ANKRD30A: variants seen among roughly 807,000 people sequenced by gnomAD.
The protein encoded by ANKRD30A is ankyrin repeat domain 30A, also known as ankyrin repeat domain-containing protein 30A.
A neutral mutation model predicts 166.3 loss-of-function variants in ANKRD30A; 170 were observed. That is an observed-to-expected ratio of 1.02 (90% CI 0.90 to 1.16). The LOEUF is 1.16. Among genes scored for constraint, ANKRD30A ranks in the 50% most tolerant of loss-of-function variants. The probability of loss-of-function intolerance (pLI) is 0.00; values close to 1 mark genes in which losing one functional copy is unlikely to be tolerated. For missense variants in ANKRD30A, 1,630 were observed against 1,518.0 expected (o/e 1.07, Z -1.23); for synonymous variants, 564 against 508.9 (o/e 1.11, Z -1.46).
rs1841610092 is a variant in ANKRD30A at position 37,201,333 on chromosome 10, C to CCA, written c.2869+9_2869+10dup. 4 of 1,555,548 alleles carry CCA rather than the reference C, an allele frequency of 2.6e-6. No homozygotes were observed. Among genetic ancestry groups the CCA allele is most frequent in the Middle Eastern group, 1.7e-4 (1 of 5,842 alleles). The stretch of plus-strand genomic sequence containing the variant: ...TAAGTGGAAAATTAGAAGGTAAGAA[C>CCA]CATCTTTTATTTAAAAGGTCATTTG... On this transcript the variant is annotated intron_variant, in intron 31 of 35. Coordinates refer to ENST00000361713, the MANE Select transcript of ANKRD30A (RefSeq NM_052997.3).
chr10:37,198,436 A>T (rs1042327331), intron 29 of ANKRD30A, among the ~76,000 whole-genome samples: 1 of 152,166 alleles, frequency 6.6e-6, no homozygotes, highest in South Asian at 2.1e-4. Context: ...TAAGTAATAA[A>T]TAAAAATGAA....
the ANKRD30A span, among the ~76,000 whole-genome samples, chr10:37,238,738 G>GT: frequency 2.0e-5 from 3 of 152,096 alleles, no homozygotes; most frequent in South Asian, 6.2e-4. Flanking sequence ...TACCTTAGTA[G>GT]TTTTTTAGTT....
chr10:37,163,152 A>G (rs1319055573), intron 17 of ANKRD30A, among the ~76,000 whole-genome samples: 1 of 147,698 alleles, frequency 6.8e-6, no homozygotes, highest in African/African-American at 2.5e-5. Flanking sequence ...TGAAACTCCA[A>G]TTTCTTTTTT....
intron 31 of ANKRD30A, among the ~76,000 whole-genome samples, chr10:37,202,336 C>T (rs1841680904): frequency 6.6e-6 from 1 of 152,128 alleles, no homozygotes; most frequent in Non-Finnish European, 1.5e-5. Context: ...AAGAACCTCA[C>T]TCAAAACCAC....
At chr10:37,213,352 A>G (rs1032806432) in intron 31 of ANKRD30A, among the ~76,000 whole-genome samples, 2 of 151,736 alleles carry the variant, frequency 1.3e-5, no homozygotes, top group African/African-American at 2.4e-5. Flanking sequence ...CTCTGGGGTT[A>G]TTTCTATCAG....
In ANKRD30A at chr10:37,193,570, T is replaced by C. The variant is rs906884211; in HGVS notation, c.2614+312T>C. 6.6e-5 allele frequency among the ~76,000 whole-genome samples: 10 copies of C among 152,032 alleles called. 1 individual carries two copies. Among genetic ancestry groups the C allele is most frequent in the Admixed American group, 3.3e-4 (5 of 15,248 alleles). ...AGGTGAATTTTGAGACTGTGAAATA[T>C]TTGCAGTGGTTCAAAGGCTGATTGG... is the stretch of plus-strand genomic sequence containing the variant. On this transcript the variant is annotated intron_variant, in intron 27 of 35. Transcript: ENST00000361713.
intron 31 of ANKRD30A, among the ~76,000 whole-genome samples, chr10:37,211,387 G>A (rs1001556766): frequency 2.6e-5 from 4 of 151,910 alleles, no homozygotes; most frequent in African/African-American, 9.7e-5. Flanking sequence ...TGTGGTGTTT[G>A]GTTTTCTGTT....
At position 37,125,658 on chromosome 10, in the gene ANKRD30A, A is replaced by G. The variant is rs986084404; in HGVS notation, c.-130A>G. 3 of 408,164 alleles carry G rather than the reference A, an allele frequency of 7.3e-6. No individual in the cohort carries two copies. Among genetic ancestry groups the G allele is most frequent in the South Asian group, 5.7e-5 (2 of 34,906 alleles). 25.3% of individuals were successfully genotyped at this position (408,164 alleles called of 1,614,324 possible). ...GAGTGTGCAAGAGCTTGGCGAACAC[A>G]GAACTTTTTACGGGTATCGAGGCGG... On this transcript the variant is annotated 5_prime_UTR_variant, in exon 1 of 36. Transcript: ENST00000361713.
intron 6 of ANKRD30A, among the ~76,000 whole-genome samples, chr10:37,138,133 T>C (rs1272679059): frequency 6.6e-6 from 1 of 152,168 alleles, no homozygotes; most frequent in Non-Finnish European, 1.5e-5. Context: ...GGAGTGGACC[T>C]CCAGCAAACT....
intron 31 of ANKRD30A, among the ~76,000 whole-genome samples, chr10:37,215,564 C>T (rs952489136): frequency 1.3e-5 from 2 of 151,512 alleles, no homozygotes; most frequent in South Asian, 2.1e-4. Context: ...TCCTGTGTCA[C>T]GTCTTGGAAT....
chr10:37,244,516 T>C, the ANKRD30A span, among the ~76,000 whole-genome samples: 1 of 152,260 alleles, frequency 6.6e-6, no homozygotes, highest in Admixed American at 6.5e-5. Context: ...AAGGACCTGC[T>C]ATCCTCACTT....
the ANKRD30A span, chr10:37,248,127 G>T: frequency 6.6e-6 from 4 of 603,176 alleles, no homozygotes; most frequent in South Asian, 4.2e-5. Context: ...GATTTTCACC[G>T]CTATGCCTCC....
chr10:37,145,570 A>G (rs1395044563), intron 8 of ANKRD30A, among the ~76,000 whole-genome samples: 1 of 152,280 alleles, frequency 6.6e-6, no homozygotes, highest in African/African-American at 2.4e-5. Flanking sequence ...GCTAATTTTC[A>G]GAATTAGTTT....
At chr10:37,209,328 A>G (rs1057121835) in intron 31 of ANKRD30A, among the ~76,000 whole-genome samples, 4 of 152,146 alleles carry the variant, frequency 2.6e-5, no homozygotes, top group Non-Finnish European at 5.9e-5. Context: ...CAGGAAGCAT[A>G]ACGTGGGGCT....
intron 31 of ANKRD30A, among the ~76,000 whole-genome samples, chr10:37,202,283 C>T (rs1456130713): frequency 6.6e-6 from 1 of 152,180 alleles, no homozygotes; most frequent in Non-Finnish European, 1.5e-5. Flanking sequence ...TTATCACAAA[C>T]TGTCTCTCAG....
the ANKRD30A span, among the ~76,000 whole-genome samples, chr10:37,240,040 C>T: frequency 5.9e-5 from 9 of 152,038 alleles, no homozygotes; most frequent in East Asian, 5.8e-4. Context: ...CTAAAATAAA[C>T]GGTAAATAGG....
chr10:37,213,043 G>A (rs764460404), intron 31 of ANKRD30A, among the ~76,000 whole-genome samples: 1 of 151,770 alleles, frequency 6.6e-6, no homozygotes, highest in Non-Finnish European at 1.5e-5. Flanking sequence ...AGCTAGTTTG[G>A]CTAGATAGAC....
intron 27 of ANKRD30A, among the ~76,000 whole-genome samples, chr10:37,195,942 T>C (rs1841049692): frequency 6.6e-6 from 1 of 152,124 alleles, no homozygotes; most frequent in African/African-American, 2.4e-5. Context: ...GGTATGCTTT[T>C]AGCCAGAGAA....
At chr10:37,216,447 G>A (rs878860747) in intron 32 of ANKRD30A, 53 bp downstream of exon 32, 69 of 1,483,194 alleles carry the variant, frequency 4.7e-5, no homozygotes, top group South Asian at 3.5e-4. Context: ...CTAAAACTAC[G>A]TAGGATACTT....
Sources: gnomAD v4.1 joint callset for allele counts (sites outside exome capture counted in the v4.1 genomes callset) on GRCh38, gnomAD v4.1.1 for gene constraint, MANE v1.5 for transcripts, NCBI Gene and HGNC (gene_info 2026-07-23, HGNC 2026-07-21) for gene names.